The following SSBP3 variants were observed in gnomAD, a reference collection of about 807,000 sequenced individuals.
SSBP3 encodes single stranded DNA binding protein 3.
A neutral mutation model predicts 69.6 loss-of-function variants in SSBP3; 5 were observed. The ratio of observed to expected loss-of-function variants is 0.07; its 90% confidence interval spans 0.04 to 0.15. SSBP3 has a LOEUF of 0.15. Ranked by LOEUF, SSBP3 falls within the 10% of genes least tolerant of loss-of-function variation. SSBP3 has a pLI of 1.00. For synonymous variants in SSBP3, 196 were observed against 193.4 expected (o/e 1.01, Z -0.11); for missense variants, 312 against 534.0 (o/e 0.58, Z 4.10).
intron 4 of SSBP3, among the ~76,000 whole-genome samples, chr1:54,345,124 C>T (rs1316724906): frequency 1.3e-5 from 2 of 152,144 alleles, no homozygotes; most frequent in African/African-American, 4.8e-5. Flanking sequence ...CAAGAGTTCT[C>T]GTGCGTGGCC....
In SSBP3 at chr1:54,353,271, G is replaced by A. The variant is rs376241446; in HGVS notation, c.276+48590C>T. 1.6e-4 allele frequency among the ~76,000 whole-genome samples: 25 copies of A among 152,136 alleles called. No individual in the cohort carries two copies. In the South Asian group the frequency reaches 1.7e-3, roughly 10 times the overall value. On this transcript the variant is annotated intron_variant, in intron 4 of 17. Coordinates refer to ENST00000610401, the Ensembl canonical transcript of SSBP3. ...ATAGGGCAGACCCATTCTTTCCGTC[G>A]AAATCAGGCCCATTGCGAGGGGAAA...
chr1:54,349,324 C>T (rs1646742308), intron 4 of SSBP3, among the ~76,000 whole-genome samples: 1 of 152,192 alleles, frequency 6.6e-6, no homozygotes, highest in African/African-American at 2.4e-5. Flanking sequence ...GCACCTACAG[C>T]GGTGCCTGGC....
At chr1:54,229,711 C>T (rs1644349717) in intron 14 of SSBP3, among the ~76,000 whole-genome samples, 1 of 152,168 alleles carries the variant, frequency 6.6e-6, no homozygotes, top group African/African-American at 2.4e-5. Context: ...GCCTGGAGCG[C>T]CAAGGCCCTG....
intron 5 of SSBP3, among the ~76,000 whole-genome samples, chr1:54,277,958 T>C (rs1328482182): frequency 1.3e-5 from 2 of 152,066 alleles, no homozygotes; most frequent in Non-Finnish European, 2.9e-5. Context: ...TGCTTGATTA[T>C]GTAAAATCCA....
intron 7 of SSBP3, among the ~76,000 whole-genome samples, chr1:54,255,898 C>T (rs1466944797): frequency 6.6e-6 from 1 of 152,064 alleles, no homozygotes; most frequent in African/African-American, 2.4e-5. Context: ...ATGGTGAAAG[C>T]CTGTCTCTAT....
At chr1:54,267,087 G>A (rs548828136) in intron 5 of SSBP3, among the ~76,000 whole-genome samples, 1 of 152,298 alleles carries the variant, frequency 6.6e-6, no homozygotes, top group African/African-American at 2.4e-5. Context: ...TTCCTGTGGT[G>A]TGAATTCACA....
rs572850017 is a variant in SSBP3 at position 54,356,310 on chromosome 1, A to G, written c.276+45551T>C. The G allele has an allele frequency of 3.3e-5, 5 of 152,352 alleles. 1 individual carries two copies. The highest frequency in any genetic ancestry group is 1.2e-4 in the African/African-American group (5 of 41,556). 9.4% of individuals were successfully genotyped at this position (152,352 alleles called of 1,614,324 possible). Reference sequence around the variant, plus strand: ...AGGGGTGAAAGTCCACAGTTGAACAAACAGACACGGTGCAAAGGAAACGCC... The same window carrying G: ...AGGGGTGAAAGTCCACAGTTGAACAGACAGACACGGTGCAAAGGAAACGCC... On this transcript the variant is annotated intron_variant, in intron 4 of 17. Coordinates refer to ENST00000610401, the Ensembl canonical transcript of SSBP3.
At position 54,353,364 on chromosome 1, in the gene SSBP3, G is replaced by A. The variant is rs538678812; in HGVS notation, c.276+48497C>T. 5.5e-3 allele frequency among the ~76,000 whole-genome samples: 842 copies of A among 152,260 alleles called. 6 individuals carry two copies. Among genetic ancestry groups the A allele is most frequent in the South Asian group, 0.015 (73 of 4,814 alleles). ...TCACCTCTACTTTCAGATCCTACAG[G>A]TTCCAGAAAATCTTCAGCTCAACAC... On this transcript the variant is annotated intron_variant, in intron 4 of 17. Coordinates refer to ENST00000610401, the Ensembl canonical transcript of SSBP3.
In SSBP3 at chr1:54,290,432, C is replaced by T. The variant is rs77643076; in HGVS notation, c.277-8905G>A. Among the ~76,000 whole-genome samples the T allele has an allele frequency of 6.4e-3, 969 of 152,324 alleles. 9 individuals carry two copies. The highest frequency in any genetic ancestry group is 0.022 in the African/African-American group (928 of 41,566). The stretch of plus-strand genomic sequence containing the variant: ...TGCTGACGTCCTAAGATTCCCTGAC[C>T]ACAGCAGGCTGGGGATGGGGAGACA... On this transcript the variant is annotated intron_variant, in intron 4 of 17. Coordinates refer to ENST00000610401, the Ensembl canonical transcript of SSBP3.
At chr1:54,403,206 G>A (rs952601266) in intron 3 of SSBP3, among the ~76,000 whole-genome samples, 1 of 152,174 alleles carries the variant, frequency 6.6e-6, no homozygotes. Context: ...GCTGAGATAA[G>A]GATGGAGAAG....
intron 4 of SSBP3, among the ~76,000 whole-genome samples, chr1:54,317,770 T>C (rs1393915203): frequency 6.6e-6 from 1 of 152,014 alleles, no homozygotes; most frequent in African/African-American, 2.4e-5. Context: ...TTTTTGTTTG[T>C]TTTTGTTTTT....
chr1:54,317,384 A>C (rs1646132097), intron 4 of SSBP3, among the ~76,000 whole-genome samples: 1 of 152,130 alleles, frequency 6.6e-6, no homozygotes, highest in African/African-American at 2.4e-5. Context: ...AAAAAATACA[A>C]AAATGAGCCG....
intron 4 of SSBP3, among the ~76,000 whole-genome samples, chr1:54,285,984 T>A (rs1353738674): frequency 3.9e-5 from 6 of 152,096 alleles, no homozygotes; most frequent in African/African-American, 1.4e-4. Flanking sequence ...CAAGCTGCTC[T>A]CCCCAGCTAA....
intron 4 of SSBP3, among the ~76,000 whole-genome samples, chr1:54,355,845 G>C (rs553281087): frequency 6.6e-6 from 1 of 152,140 alleles, no homozygotes; most frequent in African/African-American, 2.4e-5. Context: ...CGCTTTGTGC[G>C]AGGGGACACG....
intron 5 of SSBP3, among the ~76,000 whole-genome samples, chr1:54,278,236 T>C (rs1234273760): frequency 6.6e-6 from 1 of 152,118 alleles, no homozygotes. Flanking sequence ...TGGGCTCCTG[T>C]TCTGTAATGT....
rs1570075789 is a variant in SSBP3, at chr1:54,404,652, G to C, written c.130-15C>G. The C allele has an allele frequency of 1.2e-6, 2 of 1,613,978 alleles. No individual in the cohort carries two copies. Among genetic ancestry groups the C allele is most frequent in the Non-Finnish European group, 1.7e-6 (2 of 1,179,864 alleles). ...TCCCATCGAATCTGGAAAGGTAAGA[G>C]CAGAAGCAGCTTAGAGGAGCAGAGA... On this transcript the variant is annotated splice_polypyrimidine_tract_variant and intron_variant, in intron 2 of 17. Transcript: ENST00000610401.
intron 4 of SSBP3, among the ~76,000 whole-genome samples, chr1:54,291,302 A>T (rs1189932654): frequency 6.6e-6 from 1 of 152,198 alleles, no homozygotes; most frequent in Non-Finnish European, 1.5e-5. Flanking sequence ...GTGACAGGAC[A>T]AAATGTACAC....
At chr1:54,343,761 A>G (rs1454185379) in intron 4 of SSBP3, among the ~76,000 whole-genome samples, 1 of 152,222 alleles carries the variant, frequency 6.6e-6, no homozygotes, top group Non-Finnish European at 1.5e-5. Context: ...ACCCTGGCAC[A>G]GCAGTCCTGA....
At chr1:54,338,182 T>A (rs1646543680) in intron 4 of SSBP3, among the ~76,000 whole-genome samples, 1 of 152,232 alleles carries the variant, frequency 6.6e-6, no homozygotes, top group African/African-American at 2.4e-5. Flanking sequence ...GGTCCAGGTG[T>A]CCCTCTCCTG....
Sources: gnomAD v4.1 joint callset for allele counts (sites outside exome capture counted in the v4.1 genomes callset) on GRCh38, gnomAD v4.1.1 for gene constraint, MANE v1.5 for transcripts, NCBI Gene and HGNC (gene_info 2026-07-23, HGNC 2026-07-21) for gene names.